Variants in ROBO2 observed in about 807,000 individuals in gnomAD.
The protein encoded by ROBO2 is roundabout guidance receptor 2.
Under a neutral mutation model 160.8 loss-of-function variants are expected in ROBO2, and 53 were observed. The observed-to-expected ratio is 0.33, with a 90% CI of 0.26 to 0.41. The LOEUF (loss-of-function observed/expected upper bound fraction) is 0.41, where lower values mean the gene tolerates loss of function less well. Among genes scored for constraint, ROBO2 ranks in the 10% least tolerant of loss-of-function variants. ROBO2 has a pLI of 1.00. For missense variants in ROBO2, 1,577 were observed against 1,722.4 expected, an observed-to-expected ratio of 0.92 and a Z score of 1.49; for synonymous variants, 664 against 611.7, an observed-to-expected ratio of 1.09 and a Z score of -1.26.
At chr3:76,069,525 G>GTTTT (rs35295337) in intron 2 of ROBO2, among the ~76,000 whole-genome samples, 13 of 148,224 alleles carry the variant, frequency 8.8e-5, no homozygotes, top group African/African-American at 2.0e-4. Flanking sequence ...CTTATTGCTA[G>GTTTT]TTTTTTTTTT....
At chr3:77,495,696 C>A (rs950758109) in intron 5 of ROBO2, among the ~76,000 whole-genome samples, 1 of 152,216 alleles carries the variant, frequency 6.6e-6, no homozygotes, top group Admixed American at 6.5e-5. Context: ...AAAAAGAATA[C>A]CTTAGAAATG....
rs148733047 is a variant in ROBO2 at position 77,466,620 on chromosome 3, G to A, written c.389-10794G>A. ...ATATAATTATATTTCTACTCTATTC[G>A]GAGATTTGTTGAGTTTCGGGTAGAG... On this transcript the variant is annotated intron_variant, in intron 2 of 25. Transcript: ENST00000461745. 5.0e-3 allele frequency among the ~76,000 whole-genome samples: 757 copies of A among 152,208 alleles called. 9 individuals carry two copies. Among genetic ancestry groups the A allele is most frequent in the African/African-American group, 0.017 (723 of 41,536 alleles).
chr3:76,878,955 A>G (rs2073060113), intron 2 of ROBO2, among the ~76,000 whole-genome samples: 1 of 149,584 alleles, frequency 6.7e-6, no homozygotes, highest in African/African-American at 2.4e-5. Context: ...AGTTTCTAAT[A>G]TTAAAAAGAA....
At chr3:77,330,119 AT>A (rs2065832812) in intron 2 of ROBO2, among the ~76,000 whole-genome samples, 4 of 152,130 alleles carry the variant, frequency 2.6e-5, no homozygotes. Context: ...AAGGGATATG[AT>A]TTGTCCTGAT....
intron 2 of ROBO2, among the ~76,000 whole-genome samples, chr3:76,068,361 G>C (rs991434648): frequency 6.6e-6 from 1 of 152,130 alleles, no homozygotes. Context: ...GAGATGGAAA[G>C]CCACTGAAGA....
intron 2 of ROBO2, among the ~76,000 whole-genome samples, chr3:76,209,795 T>A (rs1472232260): frequency 6.6e-6 from 1 of 152,102 alleles, no homozygotes; most frequent in African/African-American, 2.4e-5. Context: ...ATAAACATGG[T>A]CAACAATGAC....
At chr3:77,179,315 A>T (rs1380648788) in intron 2 of ROBO2, among the ~76,000 whole-genome samples, 2 of 148,982 alleles carry the variant, frequency 1.3e-5, no homozygotes, top group Admixed American at 6.7e-5. Context: ...TAAGCCTGCA[A>T]AAAAAAAAAA....
At chr3:76,120,318 T>C (rs1387497109) in intron 2 of ROBO2, among the ~76,000 whole-genome samples, 5 of 152,110 alleles carry the variant, frequency 3.3e-5, no homozygotes, top group African/African-American at 1.2e-4. Context: ...CTTCTTTTAA[T>C]GTTAATCTTT....
chr3:76,566,761 GGAAAAAGAGAGGAA>G, intron 2 of ROBO2, among the ~76,000 whole-genome samples: 1 of 151,358 alleles, frequency 6.6e-6, no homozygotes, highest in African/African-American at 2.4e-5. Context: ...AAAGAAGAAA[GGAAAAAGAGAGGAA>G]GAAAAAGAGA....
At chr3:76,062,378 C>A (rs1314193540) in intron 2 of ROBO2, among the ~76,000 whole-genome samples, 1 of 152,044 alleles carries the variant, frequency 6.6e-6, no homozygotes, top group African/African-American at 2.4e-5. Flanking sequence ...TGCTGTCCGA[C>A]TACTTCACTA....
intron 2 of ROBO2, among the ~76,000 whole-genome samples, chr3:76,781,208 T>A (rs966101568): frequency 6.6e-6 from 1 of 150,806 alleles, no homozygotes; most frequent in Non-Finnish European, 1.5e-5. Flanking sequence ...TATTTGTTTT[T>A]TAGACAGTTT....
At chr3:77,225,376 G>A (rs9813557) in intron 2 of ROBO2, among the ~76,000 whole-genome samples, 68,506 of 151,410 alleles carry the variant, frequency 0.45, 15,890 homozygotes, top group Middle Eastern at 0.61. Context: ...TCAACTTTGC[G>A]TAATATAGAA....
At chr3:76,677,384 G>A (rs1005331107) in intron 2 of ROBO2, among the ~76,000 whole-genome samples, 7 of 152,126 alleles carry the variant, frequency 4.6e-5, no homozygotes, top group African/African-American at 1.7e-4. Flanking sequence ...TAAAATTACT[G>A]ACTTACTCTC....
intron 6 of ROBO2, among the ~76,000 whole-genome samples, chr3:77,525,581 G>A (rs913535718): frequency 1.3e-5 from 2 of 150,852 alleles, no homozygotes; most frequent in Non-Finnish European, 3.0e-5. Flanking sequence ...TTTTTAAATG[G>A]CTTAAAAATG....
At chr3:77,341,837 A>C (rs2067096921) in intron 2 of ROBO2, among the ~76,000 whole-genome samples, 1 of 138,352 alleles carries the variant, frequency 7.2e-6, no homozygotes, top group African/African-American at 3.2e-5. Flanking sequence ...ATTCTAATTA[A>C]AAAAAAAACT....
At chr3:76,921,611 C>A (rs931865617) in intron 2 of ROBO2, among the ~76,000 whole-genome samples, 2 of 152,060 alleles carry the variant, frequency 1.3e-5, no homozygotes, top group South Asian at 2.1e-4. Flanking sequence ...GTCTCTGTAC[C>A]TAATTTTTGC....
At chr3:75,916,758 T>C (rs1203385507) in intron 1 of ROBO2, among the ~76,000 whole-genome samples, 2 of 151,896 alleles carry the variant, frequency 1.3e-5, no homozygotes, top group African/African-American at 4.8e-5. Flanking sequence ...AAGGGGGAGA[T>C]AATGGTTAAA....
At chr3:76,203,203 A>C (rs182004668) in intron 2 of ROBO2, among the ~76,000 whole-genome samples, 1 of 152,296 alleles carries the variant, frequency 6.6e-6, no homozygotes, top group Non-Finnish European at 1.5e-5. Context: ...TGTACTCAGA[A>C]AGGTTGACTG....
At chr3:76,204,440 A>G (rs72630374) in intron 2 of ROBO2, among the ~76,000 whole-genome samples, 11,887 of 152,222 alleles carry the variant, frequency 0.078, 636 homozygotes, top group East Asian at 0.22. Context: ...AGTATGATGG[A>G]ATCACACATA....
Sources: gnomAD v4.1 joint callset for allele counts (sites outside exome capture counted in the v4.1 genomes callset) on GRCh38, gnomAD v4.1.1 for gene constraint, MANE v1.5 for transcripts, NCBI Gene and HGNC (gene_info 2026-07-23, HGNC 2026-07-21) for gene names.